The following ARHGAP24 variants were observed in gnomAD, a reference collection of about 807,000 sequenced individuals.
The protein encoded by ARHGAP24 is rho GTPase-activating protein 24.
In ARHGAP24, 50 loss-of-function variants were observed where a neutral mutation model predicts 76.4. The ratio of observed to expected loss-of-function variants is 0.65; its 90% confidence interval spans 0.52 to 0.83. ARHGAP24 has a LOEUF of 0.83. ARHGAP24 is among the 40% of genes least tolerant of loss of function. ARHGAP24 has a pLI of 0.00. For missense variants in ARHGAP24, 930 were observed against 914.2 expected, an observed-to-expected ratio of 1.02 and a Z score of -0.22; for synonymous variants, 345 against 323.3, an observed-to-expected ratio of 1.07 and a Z score of -0.72.
intron 3 of ARHGAP24, among the ~76,000 whole-genome samples, chr4:85,838,526 G>T (rs1730417183): frequency 6.6e-6 from 1 of 152,176 alleles, no homozygotes; most frequent in African/African-American, 2.4e-5. Flanking sequence ...GTGAACCCAG[G>T]AGGCGGAGCT....
At chr4:85,624,655 G>A (rs1438585044) in intron 2 of ARHGAP24, among the ~76,000 whole-genome samples, 1 of 152,210 alleles carries the variant, frequency 6.6e-6, no homozygotes, top group East Asian at 1.9e-4. Context: ...ATTTTCAGAA[G>A]GAATGGTACC....
intron 2 of ARHGAP24, among the ~76,000 whole-genome samples, chr4:85,685,592 C>T (rs958625813): frequency 1.6e-4 from 23 of 148,240 alleles, no homozygotes; most frequent in African/African-American, 5.9e-4. Context: ...GAGATCGTGC[C>T]ACTTCACTCC....
At chr4:85,782,039 AAAAAAAAAAAAAGAAAAAAAAAAG>A (rs1727583797) in intron 3 of ARHGAP24, among the ~76,000 whole-genome samples, 1 of 78,766 alleles carries the variant, frequency 1.3e-5, no homozygotes, top group Non-Finnish European at 3.1e-5. Flanking sequence ...TCTATCTCAA[AAAAAAAAAAAAAGAAAAAAAAAAG>A]AAAAAAAAAA....
At chr4:85,841,976 G>A (rs779997966) in intron 3 of ARHGAP24, among the ~76,000 whole-genome samples, 3 of 152,088 alleles carry the variant, frequency 2.0e-5, no homozygotes, top group Non-Finnish European at 4.4e-5. Flanking sequence ...TTAGGTAAAA[G>A]GAACCAAAAT....
At chr4:85,711,113 G>C (rs1252695455) in intron 2 of ARHGAP24, among the ~76,000 whole-genome samples, 3 of 152,146 alleles carry the variant, frequency 2.0e-5, no homozygotes, top group Non-Finnish European at 4.4e-5. Flanking sequence ...GGATGGAGCT[G>C]GAGATCATTA....
intron 2 of ARHGAP24, among the ~76,000 whole-genome samples, chr4:85,644,759 G>A (rs1215145185): frequency 6.6e-6 from 1 of 152,018 alleles, no homozygotes; most frequent in East Asian, 1.9e-4. Context: ...CCATTTTGTA[G>A]TTAACTTTTC....
chr4:85,741,403 G>A (rs1725822712), intron 3 of ARHGAP24, among the ~76,000 whole-genome samples: 1 of 152,162 alleles, frequency 6.6e-6, no homozygotes, highest in South Asian at 2.1e-4. Context: ...CAGGGTTTTT[G>A]TTTTCATTTT....
intron 1 of ARHGAP24, among the ~76,000 whole-genome samples, chr4:85,479,563 G>A (rs1169089860): frequency 3.9e-5 from 6 of 152,138 alleles, no homozygotes; most frequent in Non-Finnish European, 8.8e-5. Flanking sequence ...TAATTATCTG[G>A]AGTGCTGGTG....
At chr4:85,901,986 C>A (rs1344448867) in intron 3 of ARHGAP24, among the ~76,000 whole-genome samples, 1 of 152,056 alleles carries the variant, frequency 6.6e-6, no homozygotes, top group African/African-American at 2.4e-5. Context: ...GCACTCCACC[C>A]CCCAACAGGC....
chr4:85,752,553 G>A (rs1163885404), intron 3 of ARHGAP24, among the ~76,000 whole-genome samples: 1 of 152,148 alleles, frequency 6.6e-6, no homozygotes, highest in African/African-American at 2.4e-5. Flanking sequence ...TTAAGGCACA[G>A]CACTTTTTTT....
chr4:85,701,161 C>T (rs2110026078), intron 2 of ARHGAP24, among the ~76,000 whole-genome samples: 1 of 152,184 alleles, frequency 6.6e-6, no homozygotes, highest in South Asian at 2.1e-4. Context: ...ATTATCTCTC[C>T]CTCCATCAGC....
chr4:85,563,469 C>T (rs574400454), intron 1 of ARHGAP24, among the ~76,000 whole-genome samples: 1 of 152,162 alleles, frequency 6.6e-6, no homozygotes, highest in Admixed American at 6.5e-5. Context: ...AAAGAGACCA[C>T]AAATTTTCTG....
At chr4:85,503,420 C>T (rs544741427) in intron 1 of ARHGAP24, among the ~76,000 whole-genome samples, 1 of 152,228 alleles carries the variant, frequency 6.6e-6, no homozygotes, top group Non-Finnish European at 1.5e-5. Flanking sequence ...TTCAGAGATT[C>T]ATCTTCTTCC....
rs77228270 is a variant in ARHGAP24 at position 85,516,856 on chromosome 4, A to G, written c.-21+41297A>G. Among the ~76,000 whole-genome samples the G allele has an allele frequency of 7.6e-3, 1,159 of 152,244 alleles. 13 individuals carry two copies. Among genetic ancestry groups the G allele is most frequent in the African/African-American group, 0.026 (1,097 of 41,568 alleles). On this transcript the variant is annotated intron_variant, in intron 1 of 9. Coordinates refer to ENST00000395184, the MANE Select transcript of ARHGAP24 (RefSeq NM_001025616.3). ...GATCTGGATTATAAGTCATAGCTGT[A>G]AGGGCTTTCCTGTAATTATGTCTCC... is the stretch of plus-strand genomic sequence containing the variant.
At position 85,532,185 on chromosome 4, in the gene ARHGAP24, G is replaced by A. The variant is rs112431747; in HGVS notation, c.-20-38337G>A. ...AACTGTGATCTAAAAATTCAGAAGT[G>A]TGCAGTAGGACATTTCATTTGTTCC... On this transcript the variant is annotated intron_variant, in intron 1 of 9. Coordinates refer to ENST00000395184, the MANE Select transcript of ARHGAP24 (RefSeq NM_001025616.3). Among the ~76,000 whole-genome samples the A allele has an allele frequency of 9.6e-3, 1,468 of 152,206 alleles. 13 individuals are homozygous for A. Among genetic ancestry groups the A allele is most frequent in the East Asian group, 0.018 (95 of 5,182 alleles).
chr4:85,645,514 A>G (rs532450406), intron 2 of ARHGAP24, among the ~76,000 whole-genome samples: 1 of 152,202 alleles, frequency 6.6e-6, no homozygotes, highest in East Asian at 1.9e-4. Flanking sequence ...TCTTTGTACT[A>G]GGTTATCCTC....
chr4:85,954,987 G>T (rs910131272), intron 5 of ARHGAP24, among the ~76,000 whole-genome samples: 1 of 152,128 alleles, frequency 6.6e-6, no homozygotes, highest in African/African-American at 2.4e-5. Flanking sequence ...TCCAGCCTGG[G>T]CAAAAAGAGT....
At chr4:86,000,444 T>TGGGGGGGGGGGGGGGG in intron 9 of ARHGAP24, 35 bp from the exon 10 acceptor site, 2 of 616,722 alleles carry the variant, frequency 3.2e-6, no homozygotes, top group Non-Finnish European at 5.4e-6. Context: ...TACTCTTGCG[T>TGGGGGGGGGGGGGGGG]CCCCACCCCC....
intron 2 of ARHGAP24, among the ~76,000 whole-genome samples, chr4:85,669,122 T>C (rs183248919): frequency 6.6e-6 from 1 of 152,298 alleles, no homozygotes; most frequent in Admixed American, 6.5e-5. Context: ...GTGACCACAC[T>C]ATTCATTGTT....
Sources: allele counts gnomAD v4.1 joint callset (sites outside exome capture counted in the v4.1 genomes callset), GRCh38; gene constraint gnomAD v4.1.1; transcripts MANE v1.5; gene names NCBI Gene and HGNC (gene_info 2026-07-23, HGNC 2026-07-21).